The following LMOD3 variants were observed in gnomAD, a reference collection of about 807,000 sequenced individuals.
LMOD3 encodes the protein leiomodin-3.
LMOD3 carries 31 observed loss-of-function variants against 41.8 expected under a neutral mutation model. That is an observed-to-expected ratio of 0.74 (90% CI 0.56 to 1.00). The LOEUF (loss-of-function observed/expected upper bound fraction) is 1.00, where lower values mean the gene tolerates loss of function less well. Ranked by LOEUF, LMOD3 falls within the 50% of genes least tolerant of loss-of-function variation. The probability of loss-of-function intolerance (pLI) is 0.00; values close to 1 mark genes in which losing one functional copy is unlikely to be tolerated. For synonymous variants in LMOD3, 292 were observed against 241.9 expected (o/e 1.21, Z -1.92); for missense variants, 755 against 679.5 (o/e 1.11, Z -1.23).
chr3:69,118,899 G>A lies in LMOD3; in HGVS notation c.1456C>T (p.Arg486Trp), dbSNP rs769492984. 3.1e-6 allele frequency: 5 copies of A among 1,611,476 alleles called. No individual in the cohort carries two copies. Among genetic ancestry groups the A allele is most frequent in the East Asian group, 2.2e-5 (1 of 44,806 alleles). ...TGGATTCTCTTCAGCTTCACCACCC[G>A]GAAGGAGTCAGGGTCTGTCCTGTAC... is the stretch of plus-strand genomic sequence containing the variant. The part of the protein sequence containing the change: ...PKYRTDPDSF[R>W]VVKLKRIQRK... Residue 486 changes from arginine to tryptophan, a missense_variant, in exon 2 of 3, where the codon CGG (arginine) becomes TGG (tryptophan). Physicochemically the swap from Arg to Trp is moderately radical, Grantham distance 101 (BLOSUM62 -3). Coordinates refer to ENST00000420581, the MANE Select transcript of LMOD3 (RefSeq NM_198271.5).
Position 69,119,570 on chromosome 3 carries a change from T to C in LMOD3, c.785A>G (p.Asn262Ser). The C allele has an allele frequency of 6.2e-7, 1 of 1,613,846 alleles. No individual in the cohort carries two copies. Among genetic ancestry groups the C allele is most frequent in the Non-Finnish European group, 8.5e-7 (1 of 1,179,896 alleles). The change falls in exon 2 of 3, where the codon AAC becomes AGC. Residue 262 changes from asparagine (N) to serine (S), a missense_variant. Physicochemically the swap from Asn to Ser is conservative, Grantham distance 46. Coordinates refer to ENST00000420581, the MANE Select transcript of LMOD3 (RefSeq NM_198271.5). Reference sequence around the variant, plus strand: ...CATTTCTTTGGGGATGTTTTCAATGTTGTTCAGGTTGAGTTCCTTCATGTC... The same window carrying C: ...CATTTCTTTGGGGATGTTTTCAATGCTGTTCAGGTTGAGTTCCTTCATGTC... Reference protein sequence around the residue: ...DPDMKELNLNNIENIPKEMLL... With the variant: ...DPDMKELNLNSIENIPKEMLL...
chr3:69,122,559 G>A lies in LMOD3; in HGVS notation c.-173C>T. ...ACCTCAGTGGTTTGCTGAGCAGCTA[G>A]GAGTGATCACAGCTAAGCTCTTGCC... On this transcript the variant is annotated 5_prime_UTR_variant, in exon 1 of 3. Coordinates refer to ENST00000420581, the MANE Select transcript of LMOD3 (RefSeq NM_198271.5). The A allele has an allele frequency of 1.7e-6, 1 of 584,500 alleles. No individual in the cohort carries two copies. Among genetic ancestry groups the A allele is most frequent in the South Asian group, 2.2e-5 (1 of 45,248 alleles). 36.2% of individuals were successfully genotyped at this position (584,500 alleles called of 1,614,324 possible).
At chr3:69,109,692 C>G (rs549908169) in intron 2 of LMOD3, among the ~76,000 whole-genome samples, 2 of 152,006 alleles carry the variant, frequency 1.3e-5, no homozygotes, top group South Asian at 4.2e-4. Flanking sequence ...CAATGCCCAG[C>G]TAATTTTTGT....
chr3:69,122,411 T>G lies in LMOD3; in HGVS notation c.-25A>C. 8 of 1,452,506 alleles carry G rather than the reference T, an allele frequency of 5.5e-6. No homozygotes were observed. The highest frequency in any genetic ancestry group is 6.5e-6 in the Non-Finnish European group (7 of 1,076,550). The allele number at this position is 1,452,506 out of a possible 1,614,324, so 90.0% of individuals were successfully genotyped here. On this transcript the variant is annotated 5_prime_UTR_variant, in exon 1 of 3. Coordinates refer to ENST00000420581, the MANE Select transcript of LMOD3 (RefSeq NM_198271.5). ...TTATTTTTTCTAAATATTATTTTAC[T>G]AGAAAAGAAGAATAATCAAAGATGA... is the stretch of plus-strand genomic sequence containing the variant.
chr3:69,117,833 G>A (rs1404328016), intron 2 of LMOD3, among the ~76,000 whole-genome samples: 1 of 132,160 alleles, frequency 7.6e-6, no homozygotes, highest in African/African-American at 2.8e-5. Context: ...AATTTGGGTG[G>A]TTTTTTTTTT....
intron 2 of LMOD3, among the ~76,000 whole-genome samples, chr3:69,110,853 A>AAAAAAAAAAAAAAAATATATATAT (rs1458630453): frequency 9.6e-6 from 1 of 104,166 alleles, no homozygotes; most frequent in African/African-American, 4.8e-5. Context: ...AAAAAAAAAA[A>AAAAAAAAAAAAAAAATATATATAT]ATATATATAT....
At chr3:69,110,853 A>AAATATATATAT (rs1458630453) in intron 2 of LMOD3, among the ~76,000 whole-genome samples, 1 of 104,120 alleles carries the variant, frequency 9.6e-6, no homozygotes, top group African/African-American at 4.8e-5. Flanking sequence ...AAAAAAAAAA[A>AAATATATATAT]ATATATATAT....
In LMOD3 at chr3:69,106,764, C is replaced by T. The variant is rs968781210; in HGVS notation, c.*2331G>A. The T allele has an allele frequency of 1.3e-5, 2 of 150,558 alleles. No individual in the cohort carries two copies. The highest frequency in any genetic ancestry group is 2.9e-5 in the Non-Finnish European group (2 of 67,866). The allele number at this position is 150,558 out of a possible 1,614,324, so 9.3% of individuals were successfully genotyped here. A position where few individuals can be genotyped will look rare whatever the true frequency, so the allele number is the denominator to read the frequency against. On this transcript the variant is annotated 3_prime_UTR_variant, in exon 3 of 3. Transcript: ENST00000420581. ...CTGGAGTGCAATGGTGCAATCTCAG[C>T]TCACTGCAACCTCCACCTCCCATGT...
Position 69,106,562 on chromosome 3 carries a change from C to T in LMOD3, c.*2533G>A, listed in dbSNP as rs1160630021. 6.6e-6 allele frequency among the ~76,000 whole-genome samples: 1 copy of T among 152,082 alleles called. No homozygotes were observed. Among genetic ancestry groups the T allele is most frequent in the Non-Finnish European group, 1.5e-5 (1 of 68,022 alleles). ...TTTGGCAAAACCTGTGTATTGAGGC[C>T]ATAAGCTATGAAATTGGATCATCTT... On this transcript the variant is annotated 3_prime_UTR_variant, in exon 3 of 3. Transcript: ENST00000420581.
chr3:69,119,524 T>C lies in LMOD3; in HGVS notation c.831A>G (p.Ala277=), dbSNP rs765599180. Reference sequence around the variant, plus strand: ...TTTTGATGTGCTTGTTTTTCTTCATTGCATTGACAAAGTCCAGTAACATTT... The same window carrying C: ...TTTTGATGTGCTTGTTTTTCTTCATCGCATTGACAAAGTCCAGTAACATTT... ...PKEMLLDFVN[A]MKKNKHIKTF... is the part of the protein sequence containing the mutation. The change falls in exon 2 of 3, where the codon GCA becomes GCG. Residue 277 remains alanine (A), a synonymous_variant. Transcript: ENST00000420581. 3 of 1,613,854 alleles carry C rather than the reference T, an allele frequency of 1.9e-6. No homozygotes were observed. The East Asian group carries it at 6.7e-5, about 36-fold the overall frequency.
chr3:69,121,714 G>A lies in LMOD3; in HGVS notation c.294+379C>T, dbSNP rs77208412. ...TGTTTGGATGTGCCAGAGAGACAGA[G>A]GCTACAGAGCTGTCATTACTTTCTC... On this transcript the variant is annotated intron_variant, in intron 1 of 2. Coordinates refer to ENST00000420581, the MANE Select transcript of LMOD3 (RefSeq NM_198271.5). Among the ~76,000 whole-genome samples, 878 of 152,284 alleles carry A rather than the reference G, an allele frequency of 5.8e-3. 8 individuals are homozygous for A. Among genetic ancestry groups the A allele is most frequent in the Non-Finnish European group, 8.8e-3 (598 of 68,016 alleles).
At chr3:69,120,191 A>G (rs2092400798) in intron 1 of LMOD3, 131 bp from the exon 2 acceptor site, 9 of 1,028,244 alleles carry the variant, frequency 8.8e-6, no homozygotes, top group Non-Finnish European at 1.2e-5. Flanking sequence ...CCTTATTTAA[A>G]TAGCTGATTG....
At chr3:69,116,709 C>G (rs1287255635) in intron 2 of LMOD3, among the ~76,000 whole-genome samples, 1 of 152,106 alleles carries the variant, frequency 6.6e-6, no homozygotes, top group Non-Finnish European at 1.5e-5. Context: ...TGTGTGCGGT[C>G]GAGACTGAAC....
Position 69,122,161 on chromosome 3 carries a change from A to G in LMOD3, c.226T>C (p.Tyr76His), listed in dbSNP as rs2092410901. The change falls in exon 1 of 3, where the codon TAT (tyrosine) becomes CAT (histidine). Residue 76 changes from tyrosine to histidine, a missense_variant. Tyr to His is a moderately conservative substitution (Grantham distance 83). Coordinates refer to ENST00000420581, the MANE Select transcript of LMOD3 (RefSeq NM_198271.5). ...ATGCGCCTGGATGCCTTTTCCCAAT[A>G]CATATAATCAACAAGAGATTTATGA... is the stretch of plus-strand genomic sequence containing the variant. ...FNHKSLVDYMYWEKASRRMLE... is the reference protein window; with the variant it reads ...FNHKSLVDYMHWEKASRRMLE... 1.2e-6 allele frequency: 2 copies of G among 1,612,926 alleles called. No homozygotes were observed. The highest frequency in any genetic ancestry group is 8.5e-7 in the Non-Finnish European group (1 of 1,179,516).
At chr3:69,116,181 CAG>C (rs1329042672) in intron 2 of LMOD3, among the ~76,000 whole-genome samples, 5 of 152,192 alleles carry the variant, frequency 3.3e-5, no homozygotes, top group African/African-American at 1.2e-4. Context: ...GGCACAGAAA[CAG>C]AGTGCTGGGA....
chr3:69,109,674 T>C (rs2092339048), intron 2 of LMOD3, among the ~76,000 whole-genome samples: 1 of 151,692 alleles, frequency 6.6e-6, no homozygotes, highest in Non-Finnish European at 1.5e-5. Context: ...ATTACAGGCA[T>C]GTGCCACCAA....
At chr3:69,113,150 A>G (rs935604968) in intron 2 of LMOD3, among the ~76,000 whole-genome samples, 3 of 152,204 alleles carry the variant, frequency 2.0e-5, no homozygotes, top group Non-Finnish European at 4.4e-5. Context: ...AAGAAAAAGA[A>G]GTAGAAGGTA....
Position 69,122,149 on chromosome 3 carries a change from C to G in LMOD3, c.238G>C (p.Ala80Pro), listed in dbSNP as rs1217965214. ...TCCTCTTCCAGCATGCGCCTGGATG[C>G]CTTTTCCCAATACATATAATCAACA... Reference protein sequence around the residue: ...SLVDYMYWEKASRRMLEEERV... With the variant: ...SLVDYMYWEKPSRRMLEEERV... Residue 80 changes from alanine to proline, a missense_variant, in exon 1 of 3, where the codon GCA (alanine) becomes CCA (proline). Physicochemically the swap from Ala to Pro is conservative, Grantham distance 27. Coordinates refer to ENST00000420581, the MANE Select transcript of LMOD3 (RefSeq NM_198271.5). The G allele has an allele frequency of 1.2e-6, 2 of 1,612,742 alleles. No homozygotes were observed. Among genetic ancestry groups the G allele is most frequent in the East Asian group, 2.2e-5 (1 of 44,806 alleles).
chr3:69,116,003 G>A (rs1308702058), intron 2 of LMOD3, among the ~76,000 whole-genome samples: 5 of 152,202 alleles, frequency 3.3e-5, no homozygotes. Context: ...AGAAAGATAA[G>A]TAAGCAAATG....
Sources: gnomAD v4.1 joint callset for allele counts (sites outside exome capture counted in the v4.1 genomes callset) on GRCh38, gnomAD v4.1.1 for gene constraint, MANE v1.5 for transcripts, NCBI Gene and HGNC (gene_info 2026-07-23, HGNC 2026-07-21) for gene names.